Variants in PCDH9 observed in about 807,000 individuals in gnomAD.
The protein encoded by PCDH9 is protocadherin-9.
Under a neutral mutation model 70.6 loss-of-function variants are expected in PCDH9, and 24 were observed. That is an observed-to-expected ratio of 0.34 (90% confidence interval 0.25 to 0.48). PCDH9 has a LOEUF of 0.48. PCDH9 is among the 20% of genes least tolerant of loss of function. The pLI is 0.99. For synonymous variants in PCDH9, 562 were observed against 558.5 expected, an observed-to-expected ratio of 1.01 and a Z score of -0.09; for missense variants, 1,281 against 1,503.6, an observed-to-expected ratio of 0.85 and a Z score of 2.45.
intron 2 of PCDH9, among the ~76,000 whole-genome samples, chr13:67,071,888 C>CAAAAAAAAAAAAAAAAA (rs5804309): frequency 4.6e-5 from 4 of 86,688 alleles, no homozygotes; most frequent in African/African-American, 1.3e-4. Flanking sequence ...GACTTTGTCT[C>CAAAAAAAAAAAAAAAAA]AAAAAAAAAA....
chr13:66,780,785 T>C (rs2079986469), intron 3 of PCDH9, among the ~76,000 whole-genome samples: 2 of 152,198 alleles, frequency 1.3e-5, no homozygotes, highest in Non-Finnish European at 2.9e-5. Context: ...AAATTGTTTT[T>C]ACTTAGCTCA....
At chr13:66,954,383 A>G (rs1862886332) in intron 2 of PCDH9, among the ~76,000 whole-genome samples, 1 of 151,932 alleles carries the variant, frequency 6.6e-6, no homozygotes, top group African/African-American at 2.4e-5. Flanking sequence ...CTTGGCACAA[A>G]AACACTCTCC....
intron 4 of PCDH9, among the ~76,000 whole-genome samples, chr13:66,388,431 A>G (rs1191143300): frequency 6.6e-6 from 1 of 152,104 alleles, no homozygotes; most frequent in Non-Finnish European, 1.5e-5. Flanking sequence ...TATGATTTTT[A>G]CCAAGATTTT....
intron 2 of PCDH9, among the ~76,000 whole-genome samples, chr13:66,965,478 C>T (rs2083415542): frequency 6.6e-6 from 1 of 152,104 alleles, no homozygotes; most frequent in Admixed American, 6.6e-5. Flanking sequence ...CTTAGGAAGT[C>T]TTCCAGATTA....
At chr13:66,554,015 T>C (rs887695775) in intron 4 of PCDH9, among the ~76,000 whole-genome samples, 2 of 152,164 alleles carry the variant, frequency 1.3e-5, no homozygotes, top group Admixed American at 1.3e-4. Context: ...TTGCTCCTTA[T>C]ATCAAAGCTC....
At chr13:67,035,376 T>C (rs2084989142) in intron 2 of PCDH9, among the ~76,000 whole-genome samples, 1 of 152,046 alleles carries the variant, frequency 6.6e-6, no homozygotes, top group Non-Finnish European at 1.5e-5. Context: ...GGCATTTTAC[T>C]CAGAATTCCC....
chr13:66,482,642 T>C (rs925933023), intron 4 of PCDH9, among the ~76,000 whole-genome samples: 12 of 152,326 alleles, frequency 7.9e-5, no homozygotes, highest in South Asian at 4.1e-4. Flanking sequence ...GAGCTGTTGG[T>C]TGGACAACTC....
chr13:66,826,667 T>C (rs1395117464), intron 3 of PCDH9, among the ~76,000 whole-genome samples: 2 of 152,070 alleles, frequency 1.3e-5, no homozygotes, highest in Admixed American at 1.3e-4. Context: ...AAAAATAAAA[T>C]ATTAGTGTTA....
At chr13:66,654,722 T>C (rs1459690978) in intron 3 of PCDH9, among the ~76,000 whole-genome samples, 2 of 152,104 alleles carry the variant, frequency 1.3e-5, no homozygotes. Context: ...TTTGTTTGTT[T>C]GGTGACAGAC....
At chr13:67,102,791 C>T (rs987389918) in intron 2 of PCDH9, among the ~76,000 whole-genome samples, 1 of 152,058 alleles carries the variant, frequency 6.6e-6, no homozygotes, top group African/African-American at 2.4e-5. Flanking sequence ...GTTACAGATA[C>T]TACTGATAAA....
At chr13:66,390,389 A>G (rs1278235782) in intron 4 of PCDH9, among the ~76,000 whole-genome samples, 1 of 152,118 alleles carries the variant, frequency 6.6e-6, no homozygotes, top group Non-Finnish European at 1.5e-5. Context: ...ATAAATAAGA[A>G]TTCCTGGGGA....
chr13:66,689,940 GTATTATCTTTTCAATTAAAAGAAATC>G (rs1555322159), intron 3 of PCDH9, among the ~76,000 whole-genome samples: 1 of 152,054 alleles, frequency 6.6e-6, no homozygotes, highest in Non-Finnish European at 1.5e-5. Flanking sequence ...TATATCCTAA[GTATTATCTTTTCAATTAAAAGAAATC>G]TATCCTTTGA....
rs141558830 is a variant in PCDH9 at position 67,035,961 on chromosome 13, C to T, written c.3037-132356G>A. On this transcript the variant is annotated intron_variant, in intron 2 of 4. Transcript: ENST00000377865. ...AACTTACAAAAGCAGATCATTCAAG[C>T]TGTTCCAAACAATAAAATGTTTCAG... is the stretch of plus-strand genomic sequence containing the variant. Among the ~76,000 whole-genome samples the T allele has an allele frequency of 4.7e-3, 714 of 152,280 alleles. 4 individuals carry two copies. Among genetic ancestry groups the T allele is most frequent in the African/African-American group, 0.012 (495 of 41,554 alleles).
At chr13:66,425,108 A>G (rs578237096) in intron 4 of PCDH9, among the ~76,000 whole-genome samples, 1 of 151,990 alleles carries the variant, frequency 6.6e-6, no homozygotes, top group Admixed American at 6.6e-5. Flanking sequence ...TATGTTCATC[A>G]TTTTATGACA....
At chr13:66,948,841 T>C (rs1430488819) in intron 2 of PCDH9, among the ~76,000 whole-genome samples, 3 of 152,120 alleles carry the variant, frequency 2.0e-5, no homozygotes, top group Non-Finnish European at 4.4e-5. Context: ...TAAATTGTTT[T>C]CCATTTTTAA....
At chr13:66,831,856 A>T (rs1405550276) in intron 3 of PCDH9, among the ~76,000 whole-genome samples, 1 of 149,950 alleles carries the variant, frequency 6.7e-6, no homozygotes, top group Non-Finnish European at 1.5e-5. Flanking sequence ...ATCTGGGACA[A>T]CACTGTTTAT....
chr13:66,374,263 AG>A (rs770171064), intron 4 of PCDH9, among the ~76,000 whole-genome samples: 1 of 152,048 alleles, frequency 6.6e-6, no homozygotes, highest in Non-Finnish European at 1.5e-5. Flanking sequence ...GCTATTATTA[AG>A]TGTTGATCTT....
intron 3 of PCDH9, chr13:66,859,012 G>A (rs921943123): frequency 6.6e-6 from 1 of 152,026 alleles, no homozygotes; most frequent in African/African-American, 2.4e-5. Flanking sequence ...AATGAGCTTT[G>A]TGAAGTCGAC....
chr13:66,885,774 T>C (rs1326243050), intron 3 of PCDH9, among the ~76,000 whole-genome samples: 1 of 152,194 alleles, frequency 6.6e-6, no homozygotes, highest in Non-Finnish European at 1.5e-5. Context: ...AATGGAAGAA[T>C]TGTAATACCA....
Sources: allele counts gnomAD v4.1 joint callset (sites outside exome capture counted in the v4.1 genomes callset), GRCh38; gene constraint gnomAD v4.1.1; transcripts MANE v1.5; gene names NCBI Gene and HGNC (gene_info 2026-07-23, HGNC 2026-07-21).